RBMS1: variants seen among roughly 807,000 people sequenced by gnomAD.
RBMS1 encodes the protein RNA binding motif single stranded interacting protein 1.
A neutral mutation model predicts 62.3 loss-of-function variants in RBMS1; 17 were observed. That is an observed-to-expected ratio of 0.27 (90% CI 0.19 to 0.41). RBMS1 has a LOEUF of 0.41. Ranked by LOEUF, RBMS1 falls within the 10% of genes least tolerant of loss-of-function variation. The pLI is 1.00. For missense variants in RBMS1, 334 were observed against 504.5 expected (o/e 0.66, Z 3.24); for synonymous variants, 172 against 170.0 (o/e 1.01, Z -0.09).
intron 1 of RBMS1, among the ~76,000 whole-genome samples, chr2:160,478,462 C>G (rs1215866465): frequency 6.6e-6 from 1 of 152,184 alleles, no homozygotes; most frequent in South Asian, 2.1e-4. Context: ...TAGGAAATTG[C>G]ACAAACCATT....
chr2:160,482,914 C>T (rs1431085113), intron 1 of RBMS1, among the ~76,000 whole-genome samples: 1 of 152,154 alleles, frequency 6.6e-6, no homozygotes, highest in Non-Finnish European at 1.5e-5. Flanking sequence ...ACCACACAGT[C>T]AAATCAAATT....
rs1183675474 is a variant in RBMS1, at chr2:160,324,907, TAC to T, written c.252-6682_252-6681del. Among the ~76,000 whole-genome samples, 356 of 106,776 alleles carry T rather than the reference TAC, an allele frequency of 3.3e-3. 3 individuals carry two copies. The highest frequency in any genetic ancestry group is 8.9e-3 in the African/African-American group (214 of 24,006). 70.0% of individuals were successfully genotyped at this position (106,776 alleles called of 152,430 possible). A position where few individuals can be genotyped will look rare whatever the true frequency, so the allele number is the denominator to read the frequency against. On this transcript the variant is annotated intron_variant, in intron 2 of 13. Transcript: ENST00000348849. ...GTATATATATATATATATATATATA[TAC>T]ACACACACACACACACACACACACA...
intron 2 of RBMS1, among the ~76,000 whole-genome samples, chr2:160,365,966 C>G (rs1016353844): frequency 1.3e-5 from 2 of 152,288 alleles, no homozygotes; most frequent in African/African-American, 4.8e-5. Flanking sequence ...TCACAGCAGT[C>G]GCTAGTGCAG....
In RBMS1 at chr2:160,285,563, T is replaced by A. The variant is rs148333728; in HGVS notation, c.757-519A>T. The stretch of plus-strand genomic sequence containing the variant: ...TCTTGGATCAATATGTTATTGTTTT[T>A]AAAATAATAATTCATGGAAAGTCAA... On this transcript the variant is annotated intron_variant, in intron 7 of 13. Transcript: ENST00000348849. 2.1e-3 allele frequency among the ~76,000 whole-genome samples: 315 copies of A among 152,120 alleles called. 4 individuals are homozygous for A. Among genetic ancestry groups the A allele is most frequent in the African/African-American group, 7.1e-3 (293 of 41,506 alleles).
chr2:160,306,160 T>C (rs1574250371), intron 4 of RBMS1, among the ~76,000 whole-genome samples: 1 of 151,510 alleles, frequency 6.6e-6, no homozygotes, highest in East Asian at 1.9e-4. Context: ...TGTATACACA[T>C]ATATATGGAG....
intron 1 of RBMS1, chr2:160,407,419 G>A: frequency 4.1e-6 from 4 of 985,954 alleles, no homozygotes; most frequent in Non-Finnish European, 4.8e-6. Flanking sequence ...CCTTTGTAAC[G>A]CGGGGCTCGC....
intron 1 of RBMS1, among the ~76,000 whole-genome samples, chr2:160,460,244 A>T (rs116371386): frequency 6.6e-6 from 1 of 152,316 alleles, no homozygotes; most frequent in African/African-American, 2.4e-5. Flanking sequence ...TCTGAAAGGC[A>T]CCAAGTCAGA....
In RBMS1 at chr2:160,303,324, G is replaced by A. The variant is rs371962202; in HGVS notation, c.560+6C>T. 1.3e-6 allele frequency: 2 copies of A among 1,594,966 alleles called. No individual in the cohort carries two copies. Among genetic ancestry groups the A allele is most frequent in the African/African-American group, 2.7e-5 (2 of 73,868 alleles). On this transcript the variant is annotated splice_donor_region_variant and intron_variant, in intron 5 of 13. Coordinates refer to ENST00000348849, the MANE Select transcript of RBMS1 (RefSeq NM_016836.4). ...TGACATAATAAAGACTGGGCAGAAGGCTTACCTAGCAAAGCCAACACCACG... is the reference window on the plus strand; with the variant it reads ...TGACATAATAAAGACTGGGCAGAAGACTTACCTAGCAAAGCCAACACCACG...
At chr2:160,386,405 G>A (rs1008129887) in intron 1 of RBMS1, among the ~76,000 whole-genome samples, 2 of 152,102 alleles carry the variant, frequency 1.3e-5, no homozygotes, top group African/African-American at 2.4e-5. Flanking sequence ...GCATGGTGGC[G>A]CGTGCCTGTA....
chr2:160,318,946 G>T (rs890599648), intron 2 of RBMS1, among the ~76,000 whole-genome samples: 1 of 152,036 alleles, frequency 6.6e-6, no homozygotes, highest in African/African-American at 2.4e-5. Context: ...ATTAATCAGG[G>T]ATTAATCATT....
chr2:160,342,244 A>G (rs1691911906), intron 2 of RBMS1, among the ~76,000 whole-genome samples: 1 of 152,186 alleles, frequency 6.6e-6, no homozygotes, highest in Non-Finnish European at 1.5e-5. Flanking sequence ...TGTGTTCCTT[A>G]CAGTAACTGA....
At chr2:160,382,274 A>G (rs80213035) in intron 1 of RBMS1, among the ~76,000 whole-genome samples, 2,504 of 152,348 alleles carry the variant, frequency 0.016, 40 homozygotes, top group Middle Eastern at 0.082. Context: ...GGAGAAATGC[A>G]TTAATCATAT....
chr2:160,468,030 C>A (rs1007148430), intron 1 of RBMS1, among the ~76,000 whole-genome samples: 37 of 152,142 alleles, frequency 2.4e-4, no homozygotes, highest in African/African-American at 8.7e-4. Context: ...ATGGCTATCA[C>A]AAGCAAACAC....
chr2:160,344,166 G>A (rs947956716), intron 2 of RBMS1, among the ~76,000 whole-genome samples: 4 of 152,108 alleles, frequency 2.6e-5, no homozygotes, highest in Admixed American at 1.3e-4. Context: ...AGATGAAATC[G>A]GTAAAACAAC....
intron 1 of RBMS1, among the ~76,000 whole-genome samples, chr2:160,392,743 T>A (rs1267571857): frequency 6.6e-6 from 1 of 152,040 alleles, no homozygotes; most frequent in Non-Finnish European, 1.5e-5. Flanking sequence ...AATTAAAAAA[T>A]TAACTGCATG....
chr2:160,459,562 A>G (rs1427291395), intron 1 of RBMS1, among the ~76,000 whole-genome samples: 1 of 152,180 alleles, frequency 6.6e-6, no homozygotes, highest in South Asian at 2.1e-4. Flanking sequence ...GACCTATTTA[A>G]AAAACGTTTT....
chr2:160,367,810 ACT>A (rs1693494201), intron 1 of RBMS1, among the ~76,000 whole-genome samples: 1 of 152,150 alleles, frequency 6.6e-6, no homozygotes, highest in African/African-American at 2.4e-5. Context: ...TATTAGGATG[ACT>A]CTTAAAAAAA....
intron 2 of RBMS1, among the ~76,000 whole-genome samples, chr2:160,324,867 T>TGC (rs1491420404): frequency 3.3e-5 from 3 of 92,128 alleles, no homozygotes; most frequent in Non-Finnish European, 6.7e-5. Flanking sequence ...CTAAGCGAGA[T>TGC]GTGTGTGTGT....
intron 1 of RBMS1, among the ~76,000 whole-genome samples, chr2:160,397,109 G>A (rs1316531874): frequency 1.3e-5 from 2 of 151,860 alleles, no homozygotes; most frequent in Non-Finnish European, 2.9e-5. Context: ...CTTATTGCTC[G>A]TGGAGGGTCA....
Sources: allele counts gnomAD v4.1 joint callset (sites outside exome capture counted in the v4.1 genomes callset), GRCh38; gene constraint gnomAD v4.1.1; transcripts MANE v1.5; gene names NCBI Gene and HGNC (gene_info 2026-07-23, HGNC 2026-07-21).